The following LUZP1 variants were observed in gnomAD, a reference collection of about 807,000 sequenced individuals.
LUZP1 encodes filamin mechanobinding actin cross-linking protein.
LUZP1 carries 25 observed loss-of-function variants against 71.3 expected under a neutral mutation model. The ratio of observed to expected loss-of-function variants is 0.35; its 90% confidence interval spans 0.26 to 0.49. The LOEUF (loss-of-function observed/expected upper bound fraction) is 0.49. Ranked by LOEUF, LUZP1 falls within the 20% of genes least tolerant of loss-of-function variation. The pLI, the probability that LUZP1 is intolerant of heterozygous loss-of-function variation, is 0.99. For missense variants in LUZP1, 1,142 were observed against 1,300.8 expected (o/e 0.88, Z 1.88); for synonymous variants, 481 against 506.4 (o/e 0.95, Z 0.67).
exon 4 of LUZP1, chr1:23,091,655 C>T (rs1214099090): frequency 6.2e-7 from 1 of 1,613,966 alleles, no homozygotes; most frequent in Non-Finnish European, 8.5e-7. Flanking sequence ...CTGTTTCTGG[C>T]CTGTCCTTCA....
chr1:23,168,827 C>T (rs115892653), exon 2 of LUZP1: 3 of 152,832 alleles, frequency 2.0e-5, no homozygotes, highest in South Asian at 3.7e-4. Flanking sequence ...TGCCAGCGAC[C>T]GGCGCCTCCT....
chr1:23,131,649 C>T (rs1447209625), intron 2 of LUZP1, among the ~76,000 whole-genome samples: 1 of 152,014 alleles, frequency 6.6e-6, no homozygotes, highest in African/African-American at 2.4e-5. Context: ...GGAGCAAGAA[C>T]ATTGTTTCCT....
intron 2 of LUZP1, among the ~76,000 whole-genome samples, chr1:23,130,525 C>CT (rs748312616): frequency 0.25 from 29,042 of 117,036 alleles, 3,773 homozygotes; most frequent in East Asian, 0.3. Flanking sequence ...TAACAGTTAT[C>CT]TTTTTTTTTT....
chr1:23,171,097 AAAAT>A (rs1237216501), intron 1 of LUZP1, among the ~76,000 whole-genome samples: 4 of 139,832 alleles, frequency 2.9e-5, no homozygotes, highest in African/African-American at 8.1e-5. Flanking sequence ...TCAAAAAAAA[AAAAT>A]ATATATATAT....
chr1:23,142,598 T>C (rs1644311777), intron 2 of LUZP1, among the ~76,000 whole-genome samples: 1 of 151,834 alleles, frequency 6.6e-6, no homozygotes, highest in Non-Finnish European at 1.5e-5. Flanking sequence ...AATTACACAT[T>C]ACAGCTTGCG....
chr1:23,140,515 G>C (rs944381998), intron 2 of LUZP1: 8 of 152,154 alleles, frequency 5.3e-5, no homozygotes, highest in African/African-American at 1.7e-4. Flanking sequence ...GCAATGCCTT[G>C]TGGGAAAGTG....
At chr1:23,091,451 T>A (rs202132789) in exon 4 of LUZP1, 1 of 1,614,048 alleles carries the variant, frequency 6.2e-7, no homozygotes, top group East Asian at 2.2e-5. Flanking sequence ...CTATTCGAGT[T>A]GGGGGGTCTT....
chr1:23,093,884 G>A lies in LUZP1; in HGVS notation c.378C>T (p.Ala126=). 6.2e-7 allele frequency: 1 copy of A among 1,614,052 alleles called. No homozygotes were observed. The highest frequency in any genetic ancestry group is 8.5e-7 in the Non-Finnish European group (1 of 1,179,998). Residue 126 remains alanine, a synonymous_variant, in exon 4 of 5, where the codon GCC becomes GCT. Coordinates refer to ENST00000302291, the Ensembl canonical transcript of LUZP1. This position sits in a 1 kb window ranked among gnomAD's most constrained non-coding sequence, Gnocchi z 4.2. ...TACAGTCATTCTTACTCCTGCTGAA[G>A]GCCTCTTCTAGCTTCTCTAATTCAG...
exon 4 of LUZP1, chr1:23,092,876 G>A (rs1305166235): frequency 2.3e-5 from 37 of 1,613,698 alleles, no homozygotes; most frequent in South Asian, 5.5e-5. Context: ...TCTTCCCTTC[G>A]CTCTGGGAGG....
chr1:23,135,120 G>A (rs2124694564), intron 2 of LUZP1, among the ~76,000 whole-genome samples: 1 of 152,290 alleles, frequency 6.6e-6, no homozygotes, highest in African/African-American at 2.4e-5. Context: ...TTCTTTGTTT[G>A]GGGCTAAATG....
At position 23,175,246 on chromosome 1, in the gene LUZP1, A is replaced by C. The variant is rs755680792; in HGVS notation, c.-485+2245T>G. Among the ~76,000 whole-genome samples the C allele has an allele frequency of 5.8e-4, 89 of 152,290 alleles. No individual in the cohort carries two copies. The Middle Eastern group carries it at 0.014, about 23-fold the overall frequency. On this transcript the variant is annotated intron_variant, in intron 1 of 4. Transcript: ENST00000302291. ...GACTGTATTCCAAAGCAAATAAGCT[A>C]TGCACTCAGGCAGCCATTATTGGCT...
intron 2 of LUZP1, among the ~76,000 whole-genome samples, chr1:23,120,870 CAA>C (rs1644124361): frequency 6.6e-6 from 1 of 152,110 alleles, no homozygotes; most frequent in Non-Finnish European, 1.5e-5. Flanking sequence ...CTTCAGTGCC[CAA>C]AAGAGGCAGA....
In LUZP1 at chr1:23,141,739, G is replaced by A. The variant is rs192433067; in HGVS notation, c.-226+27027C>T. Among the ~76,000 whole-genome samples, 386 of 152,250 alleles carry A rather than the reference G, an allele frequency of 2.5e-3. 5 individuals carry two copies. Among genetic ancestry groups the A allele is most frequent in the African/African-American group, 8.6e-3 (357 of 41,530 alleles). On this transcript the variant is annotated intron_variant, in intron 2 of 4. Transcript: ENST00000302291. ...ATGTCCCCCAGGCTAGAGAGCAGGG[G>A]CAAGATCATAGTTCACTGGAGCCTT... is the stretch of plus-strand genomic sequence containing the variant.
intron 2 of LUZP1, among the ~76,000 whole-genome samples, chr1:23,165,040 C>G (rs1644499116): frequency 6.6e-6 from 1 of 152,144 alleles, no homozygotes; most frequent in Admixed American, 6.6e-5. Context: ...ATTTATCTTT[C>G]CCCTAATCCA....
At chr1:23,171,814 T>G (rs1644554513) in intron 1 of LUZP1, among the ~76,000 whole-genome samples, 3 of 152,248 alleles carry the variant, frequency 2.0e-5, no homozygotes, top group Admixed American at 6.5e-5. Context: ...CTAATGCTGA[T>G]TCCAAGTACC....
chr1:23,112,836 G>A (rs1644045367), intron 2 of LUZP1, among the ~76,000 whole-genome samples: 1 of 152,156 alleles, frequency 6.6e-6, no homozygotes, highest in Non-Finnish European at 1.5e-5. Context: ...GCTAGAAAAG[G>A]AGAGTCTCAG....
intron 2 of LUZP1, among the ~76,000 whole-genome samples, chr1:23,165,772 C>G (rs1478139144): frequency 6.6e-6 from 1 of 152,154 alleles, no homozygotes; most frequent in Non-Finnish European, 1.5e-5. Flanking sequence ...CTACCTGTAA[C>G]AGCATGCTTT....
intron 2 of LUZP1, among the ~76,000 whole-genome samples, chr1:23,134,254 G>C (rs1476426813): frequency 6.6e-6 from 1 of 152,186 alleles, no homozygotes; most frequent in East Asian, 1.9e-4. Flanking sequence ...CCCAAGTCAG[G>C]AGGATCACTT....
intron 1 of LUZP1, among the ~76,000 whole-genome samples, chr1:23,172,128 C>A (rs1257303528): frequency 6.6e-6 from 1 of 152,176 alleles, no homozygotes; most frequent in East Asian, 1.9e-4. Context: ...GCACCTAGTT[C>A]ATGCCAGGAT....
Sources: gnomAD v4.1 joint callset for allele counts (sites outside exome capture counted in the v4.1 genomes callset) on GRCh38, gnomAD v4.1.1 for gene constraint, Gnocchi (gnomAD v3.1) non-coding constraint, MANE v1.5 for transcripts, NCBI Gene and HGNC (gene_info 2026-07-23, HGNC 2026-07-21) for gene names.